Variants in ABTB3 observed in about 807,000 individuals in gnomAD.
ABTB3 encodes ankyrin repeat and BTB domain containing 3.
chr12:107,508,077 T>G, the ABTB3 span, among the ~76,000 whole-genome samples: 2 of 140,402 alleles, frequency 1.4e-5, no homozygotes, highest in Admixed American at 1.4e-4. Flanking sequence ...GATGGATGGA[T>G]GGATGGATGG....
the ABTB3 span, among the ~76,000 whole-genome samples, chr12:107,389,834 ATGTGTGTGTGTT>A: frequency 7.2e-4 from 73 of 101,964 alleles, 1 homozygote; most frequent in African/African-American, 2.7e-3. Context: ...ATGCTGGGGC[ATGTGTGTGTGTT>A]TGTGTGTGTG....
chr12:107,472,166 C>T, the ABTB3 span, among the ~76,000 whole-genome samples: 2 of 152,186 alleles, frequency 1.3e-5, no homozygotes, highest in Non-Finnish European at 2.9e-5. Flanking sequence ...ATTATTTCTG[C>T]AGCAGAGGCA....
chr12:107,389,460 C>T, the ABTB3 span, among the ~76,000 whole-genome samples: 1 of 152,080 alleles, frequency 6.6e-6, no homozygotes, highest in Non-Finnish European at 1.5e-5. Flanking sequence ...GACAGTCTGA[C>T]ACCTGAGCCT....
chr12:107,656,475 G>C, the ABTB3 span, among the ~76,000 whole-genome samples: 2 of 152,202 alleles, frequency 1.3e-5, no homozygotes, highest in African/African-American at 4.8e-5. Flanking sequence ...TAAATGAATG[G>C]TATGGCTGTG....
At chr12:107,606,132 G>C in the ABTB3 span, among the ~76,000 whole-genome samples, 37 of 152,266 alleles carry the variant, frequency 2.4e-4, no homozygotes, top group African/African-American at 5.3e-4. Context: ...GGGCAGGATG[G>C]GGGGTCAGGT....
At chr12:107,331,020 G>A in the ABTB3 span, among the ~76,000 whole-genome samples, 1 of 152,170 alleles carries the variant, frequency 6.6e-6, no homozygotes, top group South Asian at 2.1e-4. Flanking sequence ...TGCCTCTGAG[G>A]TTGAGGCTGC....
chr12:107,372,797 A>T, the ABTB3 span, among the ~76,000 whole-genome samples: 1 of 152,116 alleles, frequency 6.6e-6, no homozygotes, highest in Non-Finnish European at 1.5e-5. Flanking sequence ...GTAGCACTTT[A>T]ACCAGTGGAC....
chr12:107,344,608 A>G, the ABTB3 span, among the ~76,000 whole-genome samples: 2 of 152,216 alleles, frequency 1.3e-5, no homozygotes, highest in African/African-American at 4.8e-5. Context: ...TCACTGAACT[A>G]CAATTGACCT....
chr12:107,373,331 C>T, the ABTB3 span, among the ~76,000 whole-genome samples: 11 of 152,038 alleles, frequency 7.2e-5, no homozygotes, highest in African/African-American at 2.7e-4. Context: ...CTGGGTGGTG[C>T]CTGTAGGAAA....
chr12:107,489,113 A>G, the ABTB3 span, among the ~76,000 whole-genome samples: 2 of 152,218 alleles, frequency 1.3e-5, no homozygotes, highest in Non-Finnish European at 2.9e-5. Flanking sequence ...AAATAAAAAC[A>G]TTCGTACTGA....
At chr12:107,601,047 G>A in the ABTB3 span, among the ~76,000 whole-genome samples, 14 of 152,296 alleles carry the variant, frequency 9.2e-5, no homozygotes, top group East Asian at 9.6e-4. Context: ...AATGAATTAC[G>A]CATTCCATGT....
the ABTB3 span, chr12:107,320,546 G>C: frequency 6.6e-6 from 3 of 454,902 alleles, no homozygotes; most frequent in African/African-American, 6.1e-5. Flanking sequence ...CCACTCCCTC[G>C]GGGGGCACGC....
chr12:107,581,060 G>GA, the ABTB3 span: 1 of 1,542,106 alleles, frequency 6.5e-7, no homozygotes, highest in Non-Finnish European at 8.7e-7. Flanking sequence ...GAGATGGGGG[G>GA]ATCCCCGCGA....
the ABTB3 span, chr12:107,649,166 C>A: frequency 6.4e-7 from 1 of 1,559,180 alleles, no homozygotes; most frequent in Non-Finnish European, 8.8e-7. Flanking sequence ...TGAGATGATG[C>A]GTCTTTGCTG....
the ABTB3 span, among the ~76,000 whole-genome samples, chr12:107,500,271 G>C: frequency 6.6e-6 from 1 of 152,148 alleles, no homozygotes; most frequent in Admixed American, 6.5e-5. Flanking sequence ...CCCAGGACTG[G>C]GGTGGCAAGC....
the ABTB3 span, chr12:107,618,317 G>T: frequency 1.9e-6 from 3 of 1,613,848 alleles, no homozygotes; most frequent in East Asian, 2.2e-5. Flanking sequence ...CCCTGAGGGA[G>T]GCCATGTATC....
the ABTB3 span, chr12:107,635,027 C>T: frequency 9.0e-6 from 3 of 332,162 alleles, no homozygotes; most frequent in African/African-American, 2.1e-5. Flanking sequence ...CAGTAGGTAG[C>T]GAATCATGAG....
the ABTB3 span, among the ~76,000 whole-genome samples, chr12:107,370,976 C>T: frequency 5.5e-3 from 830 of 151,988 alleles, 10 homozygotes; most frequent in African/African-American, 0.019. Flanking sequence ...CCTCAGAGGG[C>T]GTTTATCTCA....
At chr12:107,639,020 G>C in the ABTB3 span, among the ~76,000 whole-genome samples, 1 of 152,230 alleles carries the variant, frequency 6.6e-6, no homozygotes, top group African/African-American at 2.4e-5. Context: ...CTGGGTCTGG[G>C]GAAGGTGGGG....
Sources: gnomAD v4.1 joint callset for allele counts (sites outside exome capture counted in the v4.1 genomes callset) on GRCh38, gnomAD v4.1.1 for gene constraint, MANE v1.5 for transcripts, NCBI Gene and HGNC (gene_info 2026-07-23, HGNC 2026-07-21) for gene names.